RGL1: variants seen among roughly 807,000 people sequenced by gnomAD.
RGL1 encodes the protein ral guanine nucleotide dissociation stimulator-like 1.
RGL1 carries 24 observed loss-of-function variants against 95.2 expected under a neutral mutation model. The observed-to-expected ratio is 0.25, with a 90% CI of 0.18 to 0.35. The LOEUF (loss-of-function observed/expected upper bound fraction) is 0.35. Among genes scored for constraint, RGL1 ranks in the 10% least tolerant of loss-of-function variants. The pLI, the probability that RGL1 is intolerant of heterozygous loss-of-function variation, is 1.00. For synonymous variants in RGL1, 329 were observed against 344.9 expected (o/e 0.95, Z 0.51); for missense variants, 715 against 936.3 (o/e 0.76, Z 3.08).
chr1:183,837,814 C>A (rs1257863283), intron 2 of RGL1, among the ~76,000 whole-genome samples: 1 of 152,164 alleles, frequency 6.6e-6, no homozygotes, highest in Non-Finnish European at 1.5e-5. Flanking sequence ...GAAACTGTTT[C>A]ACCTCAGATC....
intron 2 of RGL1, among the ~76,000 whole-genome samples, chr1:183,843,437 A>G (rs1664199953): frequency 6.6e-6 from 1 of 152,190 alleles, no homozygotes; most frequent in South Asian, 2.1e-4. Flanking sequence ...GGGCTGGGTT[A>G]ATGAGAAACA....
At chr1:183,660,988 A>C (rs1365125413) in intron 1 of RGL1, among the ~76,000 whole-genome samples, 2 of 152,224 alleles carry the variant, frequency 1.3e-5, no homozygotes, top group Non-Finnish European at 2.9e-5. Flanking sequence ...AGGCAGAGAT[A>C]AAGATGTTCT....
chr1:183,913,010 A>T (rs1373783737), intron 15 of RGL1, among the ~76,000 whole-genome samples: 1 of 152,176 alleles, frequency 6.6e-6, no homozygotes, highest in African/African-American at 2.4e-5. Flanking sequence ...GCACAGCTGC[A>T]GGGGAAGATG....
intron 15 of RGL1, among the ~76,000 whole-genome samples, chr1:183,916,044 G>A (rs1282116067): frequency 1.3e-5 from 2 of 152,160 alleles, no homozygotes; most frequent in East Asian, 3.9e-4. Context: ...CTCTCACTAC[G>A]AAATCTGACT....
rs1333041429 is a variant in RGL1, at chr1:183,889,421, A to G, written c.1055+844A>G. ...GTATGGTCTATACCACATGTGGTAT[A>G]GTCAGTTTCAGTTAGGAGGAGAGGG... On this transcript the variant is annotated intron_variant, in intron 8 of 17. Transcript: ENST00000360851. Among the ~76,000 whole-genome samples the G allele has an allele frequency of 2.6e-5, 4 of 152,182 alleles. 1 individual carries two copies. Among genetic ancestry groups the G allele is most frequent in the South Asian group, 4.1e-4 (2 of 4,832 alleles).
chr1:183,749,467 A>T (rs1657860018), intron 2 of RGL1, among the ~76,000 whole-genome samples: 1 of 151,976 alleles, frequency 6.6e-6, no homozygotes, highest in Non-Finnish European at 1.5e-5. Context: ...TACATGTGAG[A>T]TGGGTCTCCT....
At chr1:183,653,120 T>C (rs1487520101) in intron 1 of RGL1, 2 of 152,104 alleles carry the variant, frequency 1.3e-5, no homozygotes, top group African/African-American at 2.4e-5. Flanking sequence ...TTAGAAGAGA[T>C]GGTCCATTTC....
chr1:183,895,414 GA>G (rs907289855), intron 9 of RGL1, among the ~76,000 whole-genome samples: 5 of 152,150 alleles, frequency 3.3e-5, no homozygotes, highest in African/African-American at 9.7e-5. Context: ...GAGAAGGGCA[GA>G]GGGGGAGATA....
chr1:183,818,848 C>G (rs1159077000), intron 2 of RGL1, among the ~76,000 whole-genome samples: 2 of 152,056 alleles, frequency 1.3e-5, no homozygotes, highest in Non-Finnish European at 2.9e-5. Flanking sequence ...CTAAATTTAG[C>G]TTATATTTTA....
At chr1:183,797,613 T>G (rs1212786687) in intron 2 of RGL1, among the ~76,000 whole-genome samples, 3 of 152,204 alleles carry the variant, frequency 2.0e-5, no homozygotes, top group African/African-American at 7.2e-5. Context: ...TAAAATCAGC[T>G]TGGTCCCTCA....
In RGL1 at chr1:183,768,499, T is replaced by C. The variant is rs568418969; in HGVS notation, c.132+26210T>C. Among the ~76,000 whole-genome samples the C allele has an allele frequency of 6.1e-5, 9 of 148,618 alleles. No individual in the cohort carries two copies. In the East Asian group the frequency reaches 1.6e-3, roughly 26 times the overall value. On this transcript the variant is annotated intron_variant, in intron 2 of 18. Coordinates refer to the RGL1 transcript ENST00000304685. The stretch of plus-strand genomic sequence containing the variant: ...TTTTTTTTTTTGGAGACAGGGCCTT[T>C]GCTCTGTTGTGCAGTCTGAAGTGCA...
At chr1:183,831,697 T>G (rs1009175397) in intron 2 of RGL1, among the ~76,000 whole-genome samples, 1 of 152,220 alleles carries the variant, frequency 6.6e-6, no homozygotes, top group Admixed American at 6.5e-5. Flanking sequence ...TATAATAATG[T>G]CACTAGATAG....
chr1:183,830,822 AG>A (rs1663210007), intron 2 of RGL1, among the ~76,000 whole-genome samples: 1 of 152,226 alleles, frequency 6.6e-6, no homozygotes, highest in Non-Finnish European at 1.5e-5. Context: ...AGATGGGACC[AG>A]TTAATTTTGT....
chr1:183,768,389 T>A (rs914895099), intron 2 of RGL1, among the ~76,000 whole-genome samples: 1 of 151,900 alleles, frequency 6.6e-6, no homozygotes, highest in East Asian at 1.9e-4. Flanking sequence ...TCTCCCCTAC[T>A]TACCAGTTCT....
intron 1 of RGL1, among the ~76,000 whole-genome samples, chr1:183,643,863 T>C (rs1189506708): frequency 6.6e-6 from 1 of 152,194 alleles, no homozygotes; most frequent in Non-Finnish European, 1.5e-5. Context: ...AATAAAACAA[T>C]GTTCTATTGC....
chr1:183,900,011 A>G (rs1383574453), intron 10 of RGL1, 139 bp from the exon 11 acceptor site: 2 of 573,652 alleles, frequency 3.5e-6, no homozygotes, highest in African/African-American at 3.8e-5. Flanking sequence ...AGAAATTTAA[A>G]AAATGTTATT....
At chr1:183,753,002 C>A (rs1203976251) in intron 2 of RGL1, among the ~76,000 whole-genome samples, 1 of 152,094 alleles carries the variant, frequency 6.6e-6, no homozygotes, top group Non-Finnish European at 1.5e-5. Context: ...GGTACGAGGG[C>A]TTCTCAAATA....
chr1:183,716,580 C>A (rs1655636004), intron 1 of RGL1, among the ~76,000 whole-genome samples: 1 of 152,182 alleles, frequency 6.6e-6, no homozygotes, highest in African/African-American at 2.4e-5. Flanking sequence ...CTGTCACATT[C>A]TTTTGCATGG....
intron 2 of RGL1, among the ~76,000 whole-genome samples, chr1:183,792,068 A>G (rs147661798): frequency 3.5e-3 from 538 of 152,110 alleles, no homozygotes; most frequent in Non-Finnish European, 5.7e-3. Flanking sequence ...AACTGAGCTG[A>G]TATTTTTTCC....
Sources: gnomAD v4.1 joint callset for allele counts (sites outside exome capture counted in the v4.1 genomes callset) on GRCh38, gnomAD v4.1.1 for gene constraint, MANE v1.5 for transcripts, NCBI Gene and HGNC (gene_info 2026-07-23, HGNC 2026-07-21) for gene names.